The following TBC1D31 variants were observed in gnomAD, a reference collection of about 807,000 sequenced individuals.
The protein encoded by TBC1D31 is TBC1 domain family member 31, also known as WD repeat domain 67.
In TBC1D31, 99 loss-of-function variants were observed where a neutral mutation model predicts 132.9. The observed-to-expected ratio is 0.74, with a 90% CI of 0.63 to 0.88. The LOEUF (loss-of-function observed/expected upper bound fraction) is 0.88, where lower values mean the gene tolerates loss of function less well. TBC1D31 is among the 40% of genes least tolerant of loss of function. The probability of loss-of-function intolerance (pLI) is 0.00; values close to 1 mark genes in which losing one functional copy is unlikely to be tolerated. For missense variants in TBC1D31, 1,134 were observed against 1,256.6 expected, an observed-to-expected ratio of 0.90 and a Z score of 1.48; for synonymous variants, 385 against 419.4, an observed-to-expected ratio of 0.92 and a Z score of 1.00.
At chr8:123,109,988 G>C (rs1271099164) in intron 10 of TBC1D31, among the ~76,000 whole-genome samples, 2 of 152,268 alleles carry the variant, frequency 1.3e-5, no homozygotes, top group African/African-American at 4.8e-5. Context: ...AGCTACTCAG[G>C]AGGCTGAGGC....
At chr8:123,164,656 A>C in the TBC1D31 span, among the ~76,000 whole-genome samples, 1 of 151,624 alleles carries the variant, frequency 6.6e-6, no homozygotes, top group Non-Finnish European at 1.5e-5. Context: ...CGGGAGGTGG[A>C]GGTTGCAGTG....
At chr8:123,128,968 G>A (rs1217550852) in intron 14 of TBC1D31, 98 bp from the exon 15 acceptor site, 1 of 782,512 alleles carries the variant, frequency 1.3e-6, no homozygotes, top group Non-Finnish European at 1.9e-6. Flanking sequence ...CTTGCATATG[G>A]AAATAAAATA....
At chr8:123,137,709 C>T (rs1164430007) in intron 17 of TBC1D31, among the ~76,000 whole-genome samples, 1 of 152,242 alleles carries the variant, frequency 6.6e-6, no homozygotes, top group South Asian at 2.1e-4. Flanking sequence ...ACTGACAGAG[C>T]ATGGCCCATG....
rs1821561667 is a variant in TBC1D31 at position 123,140,676 on chromosome 8, T to G, written c.2500-85T>G. 3.8e-6 allele frequency: 4 copies of G among 1,054,024 alleles called. No homozygotes were observed. In the South Asian group the frequency reaches 6.3e-5, roughly 17 times the overall value. The allele number at this position is 1,054,024 out of a possible 1,614,324, so 65.3% of individuals were successfully genotyped here. ...TAGATGATTACAGCTTTTATTTGTGTGCATATTACTATTCTGAAAAAAGTC... is the reference window on the plus strand; with the variant it reads ...TAGATGATTACAGCTTTTATTTGTGGGCATATTACTATTCTGAAAAAAGTC... On this transcript the variant is annotated intron_variant, in intron 17 of 21. Transcript: ENST00000287380.
intron 4 of TBC1D31, among the ~76,000 whole-genome samples, chr8:123,090,958 C>A (rs879618752): frequency 9.2e-5 from 14 of 151,386 alleles, no homozygotes; most frequent in East Asian, 1.9e-4. Context: ...ATAAATAAAT[C>A]AATAATAAAT....
chr8:123,154,089 T>C (rs1279372167), downstream of TBC1D31, among the ~76,000 whole-genome samples: 2 of 152,266 alleles, frequency 1.3e-5, no homozygotes, highest in Non-Finnish European at 2.9e-5. Flanking sequence ...TAAAGGTCTT[T>C]CCACAGTCAT....
intron 8 of TBC1D31, among the ~76,000 whole-genome samples, chr8:123,108,150 G>A (rs985861192): frequency 3.9e-5 from 6 of 152,046 alleles, no homozygotes; most frequent in East Asian, 3.9e-4. Context: ...AGCACTAAAC[G>A]AAATCAGAAA....
At chr8:123,161,955 T>C in the TBC1D31 span, among the ~76,000 whole-genome samples, 2 of 142,964 alleles carry the variant, frequency 1.4e-5, no homozygotes, top group African/African-American at 5.3e-5. Context: ...GAGGCGGAGG[T>C]TGCAGTGAGC....
chr8:123,119,943 A>T (rs753582522), intron 10 of TBC1D31, 112 bp from the exon 11 acceptor site: 3 of 869,788 alleles, frequency 3.4e-6, no homozygotes, highest in Non-Finnish European at 5.1e-6. Context: ...GAACTAGATG[A>T]TAGGGGTACA....
intron 17 of TBC1D31, among the ~76,000 whole-genome samples, chr8:123,139,277 C>A (rs1421171695): frequency 1.3e-5 from 2 of 151,998 alleles, no homozygotes; most frequent in Non-Finnish European, 2.9e-5. Flanking sequence ...ATCATAAAAT[C>A]AAAAAATCAT....
intron 4 of TBC1D31, among the ~76,000 whole-genome samples, chr8:123,085,453 G>T (rs979136542): frequency 6.8e-6 from 1 of 147,584 alleles, no homozygotes; most frequent in African/African-American, 2.4e-5. Context: ...TTGTTTGTTT[G>T]AGATGGAGTC....
intron 4 of TBC1D31, among the ~76,000 whole-genome samples, chr8:123,092,408 A>G (rs139014939): frequency 1.2e-4 from 19 of 152,038 alleles, no homozygotes; most frequent in Non-Finnish European, 1.5e-5. Flanking sequence ...AATAATTTTT[A>G]CTCCCAGCGG....
chr8:123,159,844 G>C, the TBC1D31 span, among the ~76,000 whole-genome samples: 1 of 151,806 alleles, frequency 6.6e-6, no homozygotes, highest in Non-Finnish European at 1.5e-5. Context: ...GGTGGCAACT[G>C]TATGGTTGGA....
chr8:123,095,916 T>C (rs1057034451), intron 5 of TBC1D31, among the ~76,000 whole-genome samples: 1 of 152,172 alleles, frequency 6.6e-6, no homozygotes, highest in Non-Finnish European at 1.5e-5. Context: ...TTAATTCCTC[T>C]CTTTTCTCAC....
At chr8:123,127,122 T>TA (rs1391098229) in intron 13 of TBC1D31, among the ~76,000 whole-genome samples, 3 of 152,138 alleles carry the variant, frequency 2.0e-5, no homozygotes, top group African/African-American at 7.2e-5. Flanking sequence ...AGTAGGAATA[T>TA]AAAGGATAAC....
intron 14 of TBC1D31, 21 bp from the exon 15 acceptor site, chr8:123,129,045 T>C (rs1005105199): frequency 1.3e-6 from 2 of 1,505,944 alleles, no homozygotes; most frequent in African/African-American, 1.4e-5. Context: ...TGTGTTTTCA[T>C]AATAATATTA....
At chr8:123,149,229 A>G (rs1029751190) in intron 20 of TBC1D31, among the ~76,000 whole-genome samples, 4 of 145,938 alleles carry the variant, frequency 2.7e-5, no homozygotes, top group African/African-American at 1.0e-4. Flanking sequence ...CTTAGATTCC[A>G]GTCCCCCACC....
At chr8:123,076,316 ATT>A (rs1814504389) in intron 1 of TBC1D31, among the ~76,000 whole-genome samples, 1 of 137,372 alleles carries the variant, frequency 7.3e-6, no homozygotes, top group Non-Finnish European at 1.6e-5. Flanking sequence ...TTTCTTCTTT[ATT>A]TTTTCTTTTA....
chr8:123,144,925 G>T, intron 20 of TBC1D31, 70 bp downstream of exon 20: 4 of 1,342,266 alleles, frequency 3.0e-6, no homozygotes, highest in Non-Finnish European at 3.0e-6. Context: ...CTATTATTAT[G>T]ATTTTTTTTT....
Sources: allele counts gnomAD v4.1 joint callset (sites outside exome capture counted in the v4.1 genomes callset), GRCh38; gene constraint gnomAD v4.1.1; transcripts MANE v1.5; gene names NCBI Gene and HGNC (gene_info 2026-07-23, HGNC 2026-07-21).